The following RABEP1 variants were observed in gnomAD, a reference collection of about 807,000 sequenced individuals.
The protein encoded by RABEP1 is rab GTPase-binding effector protein 1.
RABEP1 carries 51 observed loss-of-function variants against 123.4 expected under a neutral mutation model. The observed-to-expected ratio is 0.41, with a 90% CI of 0.33 to 0.52. The LOEUF is 0.52. Among genes scored for constraint, RABEP1 ranks in the 20% least tolerant of loss-of-function variants. RABEP1 has a pLI of 0.16. For synonymous variants in RABEP1, 347 were observed against 355.2 expected (o/e 0.98, Z 0.26); for missense variants, 888 against 996.3 (o/e 0.89, Z 1.46).
At chr17:5,305,468 C>A (rs978088484) in intron 1 of RABEP1, among the ~76,000 whole-genome samples, 2 of 152,016 alleles carry the variant, frequency 1.3e-5, no homozygotes, top group African/African-American at 4.8e-5. Context: ...TTAACAGCTG[C>A]ATTTTTGTTT....
At position 5,383,730 on chromosome 17, in the gene RABEP1, C is replaced by T. The variant is rs1911698265; in HGVS notation, c.*507C>T. The T allele has an allele frequency of 4.5e-5, 4 of 89,432 alleles. No individual in the cohort carries two copies. The highest frequency in any genetic ancestry group is 2.6e-4 in the Admixed American group (2 of 7,674). 5.5% of individuals were successfully genotyped at this position (89,432 alleles called of 1,614,324 possible). On this transcript the variant is annotated 3_prime_UTR_variant, in exon 18 of 18. Transcript: ENST00000537505. ...AGGTTTGAGAGCAGGCCATTGGCTA[C>T]TGACTGTATTTTGTTTTCCTTTTAC...
chr17:5,319,348 A>G (rs2075330340), intron 2 of RABEP1, among the ~76,000 whole-genome samples: 1 of 123,464 alleles, frequency 8.1e-6, no homozygotes, highest in Non-Finnish European at 1.7e-5. Flanking sequence ...AAAACAAAAA[A>G]ACAAAAAAAA....
At chr17:5,316,706 G>A (rs1470551810) in intron 2 of RABEP1, among the ~76,000 whole-genome samples, 3 of 150,462 alleles carry the variant, frequency 2.0e-5, no homozygotes, top group Non-Finnish European at 3.0e-5. Context: ...GGTGGCAGGC[G>A]CTTGTAATCC....
chr17:5,302,647 C>T (rs536831694), intron 1 of RABEP1, among the ~76,000 whole-genome samples: 1 of 142,400 alleles, frequency 7.0e-6, no homozygotes, highest in African/African-American at 2.7e-5. Context: ...ACTGCAGCCT[C>T]AACCTCCCAG....
chr17:5,360,748 GTC>G (rs1234687324), intron 8 of RABEP1, among the ~76,000 whole-genome samples: 1 of 152,080 alleles, frequency 6.6e-6, no homozygotes, highest in Non-Finnish European at 1.5e-5. Context: ...TTACTCTCAA[GTC>G]TCTATCGAAA....
chr17:5,318,898 A>G (rs1237572076), intron 2 of RABEP1, among the ~76,000 whole-genome samples: 3 of 152,242 alleles, frequency 2.0e-5, no homozygotes, highest in Non-Finnish European at 2.9e-5. Flanking sequence ...GACTGGTTCA[A>G]CATTCAAAAA....
chr17:5,385,487 C>T lies in RABEP1; in HGVS notation c.*2264C>T, dbSNP rs776756789. On this transcript the variant is annotated 3_prime_UTR_variant, in exon 18 of 18. Transcript: ENST00000537505. ...GCAGATATAGTAGTACCTTTCAGAA[C>T]TCACATTGGCAAGTGTAAAAAGATG... 1.7e-5 allele frequency: 4 copies of T among 230,460 alleles called. No homozygotes were observed. Among genetic ancestry groups the T allele is most frequent in the Non-Finnish European group, 3.4e-5 (4 of 116,422 alleles). The allele number at this position is 230,460 out of a possible 1,614,324, so 14.3% of individuals were successfully genotyped here. A position where few individuals can be genotyped will look rare whatever the true frequency, so the allele number is the denominator to read the frequency against.
At chr17:5,377,397 G>C (rs1911080932) in intron 14 of RABEP1, 92 bp downstream of exon 14, 2 of 983,576 alleles carry the variant, frequency 2.0e-6, no homozygotes, top group Admixed American at 3.5e-5. Flanking sequence ...CTGGAACACA[G>C]AAAAGCTTAG....
In RABEP1 at chr17:5,384,541, A is replaced by G. The variant is rs936003298; in HGVS notation, c.*1318A>G. On this transcript the variant is annotated 3_prime_UTR_variant, in exon 18 of 18. Transcript: ENST00000537505. ...GAACTAGGTAGATTGTTTTGTTCAC[A>G]TAACGCCACCATCAACTTAAAGTGA... is the stretch of plus-strand genomic sequence containing the variant. 10 of 215,946 alleles carry G rather than the reference A, an allele frequency of 4.6e-5. No individual in the cohort carries two copies. The East Asian group carries it at 7.0e-4, about 15-fold the overall frequency. 13.4% of individuals were successfully genotyped at this position (215,946 alleles called of 1,614,324 possible). A position where few individuals can be genotyped will look rare whatever the true frequency, so the allele number is the denominator to read the frequency against.
At chr17:5,287,523 T>A (rs1250626653) in intron 1 of RABEP1, among the ~76,000 whole-genome samples, 1 of 136,232 alleles carries the variant, frequency 7.3e-6, no homozygotes, top group Non-Finnish European at 1.5e-5. Flanking sequence ...TGCTTGAACC[T>A]GGGAGGTGGA....
At chr17:5,374,877 C>T (rs373704118) in intron 13 of RABEP1, among the ~76,000 whole-genome samples, 6 of 152,144 alleles carry the variant, frequency 3.9e-5, no homozygotes, top group South Asian at 4.1e-4. Context: ...CTCCTGACCT[C>T]GTGATCCGCC....
intron 8 of RABEP1, 141 bp from the exon 9 acceptor site, chr17:5,361,067 A>G (rs993717387): frequency 2.7e-6 from 2 of 737,282 alleles, no homozygotes; most frequent in African/African-American, 3.6e-5. Context: ...AATGACACTT[A>G]GTGTTTGTTC....
intron 15 of RABEP1, 31 bp from the exon 16 acceptor site, chr17:5,380,333 C>G (rs1911348402): frequency 2.1e-6 from 3 of 1,462,894 alleles, no homozygotes; most frequent in Non-Finnish European, 2.8e-6. Flanking sequence ...GAGGGAGTTT[C>G]TGTGAGTTTC....
At chr17:5,302,440 C>A (rs763490907) in intron 1 of RABEP1, among the ~76,000 whole-genome samples, 2 of 151,686 alleles carry the variant, frequency 1.3e-5, no homozygotes, top group African/African-American at 2.4e-5. Flanking sequence ...AGGGTTTTGC[C>A]ATATTAGCCA....
chr17:5,330,623 A>C (rs914353932), intron 2 of RABEP1, among the ~76,000 whole-genome samples: 1 of 152,130 alleles, frequency 6.6e-6, no homozygotes, highest in African/African-American at 2.4e-5. Context: ...GTTTATTTTC[A>C]TGGTCAGTTT....
At chr17:5,295,068 C>T (rs532517038) in intron 1 of RABEP1, among the ~76,000 whole-genome samples, 1 of 151,748 alleles carries the variant, frequency 6.6e-6, no homozygotes, top group East Asian at 1.9e-4. Context: ...AAGAGATGTT[C>T]ATGATGTATT....
intron 1 of RABEP1, 145 bp from the exon 2 acceptor site, chr17:5,308,549 G>A (rs1177626827): frequency 6.7e-6 from 5 of 750,530 alleles, no homozygotes; most frequent in Non-Finnish European, 1.0e-5. Flanking sequence ...TTAAACATTA[G>A]AATATCCTAG....
At chr17:5,299,576 T>TA (rs773553913) in intron 1 of RABEP1, among the ~76,000 whole-genome samples, 65 of 119,404 alleles carry the variant, frequency 5.4e-4, no homozygotes, top group Non-Finnish European at 9.2e-4. Context: ...GCCCTTATAT[T>TA]ACGTGGTTCT....
intron 3 of RABEP1, among the ~76,000 whole-genome samples, 161 bp downstream of exon 3, chr17:5,332,313 TAAC>T (rs1906626351): frequency 6.6e-6 from 1 of 152,330 alleles, no homozygotes; most frequent in Non-Finnish European, 1.5e-5. Flanking sequence ...AAGTCACTAA[TAAC>T]ATAAATGGAT....
Sources: allele counts gnomAD v4.1 joint callset (sites outside exome capture counted in the v4.1 genomes callset), GRCh38; gene constraint gnomAD v4.1.1; transcripts MANE v1.5; gene names NCBI Gene and HGNC (gene_info 2026-07-23, HGNC 2026-07-21).